TMEM117: variants seen among roughly 807,000 people sequenced by gnomAD.
TMEM117 encodes the protein transmembrane protein 117.
TMEM117 carries 27 observed loss-of-function variants against 52.4 expected under a neutral mutation model. The observed-to-expected ratio is 0.51, with a 90% confidence interval of 0.38 to 0.71. The LOEUF (loss-of-function observed/expected upper bound fraction) is 0.71, where lower values mean the gene tolerates loss of function less well. TMEM117 is among the 30% of genes least tolerant of loss of function. The pLI is 0.00. For synonymous variants in TMEM117, 215 were observed against 206.3 expected, an observed-to-expected ratio of 1.04 and a Z score of -0.36; for missense variants, 556 against 630.5, an observed-to-expected ratio of 0.88 and a Z score of 1.26.
intron 2 of TMEM117, among the ~76,000 whole-genome samples, chr12:43,845,460 C>CA (rs10677136): frequency 0.28 from 10,448 of 37,570 alleles, 2,776 homozygotes; most frequent in African/African-American, 0.61. Flanking sequence ...GACTCCATCT[C>CA]AAAAAAAAAA....
intron 2 of TMEM117, among the ~76,000 whole-genome samples, chr12:43,914,913 T>A (rs570102939): frequency 1.3e-5 from 2 of 152,100 alleles, no homozygotes; most frequent in Admixed American, 6.6e-5. Flanking sequence ...TTCAGCAAAT[T>A]TATATTAAAA....
chr12:44,306,605 A>G (rs1950906721), intron 6 of TMEM117, among the ~76,000 whole-genome samples: 2 of 152,158 alleles, frequency 1.3e-5, no homozygotes, highest in Admixed American at 1.3e-4. Flanking sequence ...TACCTCCTAT[A>G]ATGTGTAAGC....
intron 2 of TMEM117, among the ~76,000 whole-genome samples, chr12:43,909,533 C>T (rs1944455994): frequency 7.0e-6 from 1 of 143,850 alleles, no homozygotes; most frequent in Non-Finnish European, 1.5e-5. Flanking sequence ...CACAAAAAAC[C>T]CTTCAAAAAA....
intron 5 of TMEM117, among the ~76,000 whole-genome samples, chr12:44,245,730 CA>C (rs1950121300): frequency 6.6e-6 from 1 of 151,754 alleles, no homozygotes; most frequent in Non-Finnish European, 1.5e-5. Context: ...GAGCAACTAA[CA>C]AAATGCTGCT....
At chr12:43,846,167 T>C (rs1943204695) in intron 2 of TMEM117, among the ~76,000 whole-genome samples, 1 of 152,126 alleles carries the variant, frequency 6.6e-6, no homozygotes. Context: ...GAATAGTATA[T>C]TAGTAAGGGA....
At chr12:44,226,131 A>G (rs1444054422) in intron 5 of TMEM117, among the ~76,000 whole-genome samples, 2 of 152,166 alleles carry the variant, frequency 1.3e-5, no homozygotes. Flanking sequence ...TGAGGAAAAC[A>G]TTTTCCCCCT....
At chr12:44,302,434 T>C (rs1950852559) in intron 6 of TMEM117, among the ~76,000 whole-genome samples, 2 of 152,216 alleles carry the variant, frequency 1.3e-5, no homozygotes, top group South Asian at 4.1e-4. Flanking sequence ...AGTCTCTTGT[T>C]CCTCTACAGA....
chr12:43,891,562 T>A (rs1177372187), intron 2 of TMEM117, among the ~76,000 whole-genome samples: 1 of 151,534 alleles, frequency 6.6e-6, no homozygotes, highest in African/African-American at 2.4e-5. Flanking sequence ...GAGACAGGGT[T>A]TCACCATGTC....
chr12:44,342,266 A>G (rs1219811310), intron 6 of TMEM117, among the ~76,000 whole-genome samples: 1 of 152,148 alleles, frequency 6.6e-6, no homozygotes, highest in East Asian at 1.9e-4. Context: ...GAAGTTAGCC[A>G]GCTTTACTAC....
At chr12:44,123,240 TGG>T (rs202230291) in intron 3 of TMEM117, among the ~76,000 whole-genome samples, 9 of 143,004 alleles carry the variant, frequency 6.3e-5, no homozygotes, top group Admixed American at 1.3e-4. Flanking sequence ...TACTTTTTAA[TGG>T]GGTTTTTTTT....
chr12:44,131,528 T>G (rs1447433292), intron 3 of TMEM117, among the ~76,000 whole-genome samples: 2 of 152,238 alleles, frequency 1.3e-5, no homozygotes, highest in African/African-American at 4.8e-5. Context: ...TTTAAATCCT[T>G]TATATCCTTA....
At chr12:44,014,161 A>T (rs1162457606) in intron 3 of TMEM117, among the ~76,000 whole-genome samples, 1 of 152,206 alleles carries the variant, frequency 6.6e-6, no homozygotes, top group African/African-American at 2.4e-5. Flanking sequence ...ATAGAGCTGA[A>T]CTGGCTCTAG....
At chr12:44,293,779 T>C (rs528859127) in intron 5 of TMEM117, among the ~76,000 whole-genome samples, 3 of 152,182 alleles carry the variant, frequency 2.0e-5, no homozygotes, top group Non-Finnish European at 4.4e-5. Context: ...AGTGTATCTA[T>C]AGTTATTTTT....
rs548043735 is a variant in TMEM117 at position 44,279,367 on chromosome 12, T to C, written c.609-20213T>C. 2.6e-5 allele frequency among the ~76,000 whole-genome samples: 4 copies of C among 152,330 alleles called. No individual in the cohort carries two copies. The East Asian group carries it at 7.7e-4, about 29-fold the overall frequency. On this transcript the variant is annotated intron_variant, in intron 5 of 7. Transcript: ENST00000266534. ...CCAGTTGCAGCCAAATTGTTTTAAATAAATTATCCAAATAATGTTTTTTTC... is the reference window on the plus strand; with the variant it reads ...CCAGTTGCAGCCAAATTGTTTTAAACAAATTATCCAAATAATGTTTTTTTC...
intron 3 of TMEM117, among the ~76,000 whole-genome samples, chr12:44,074,932 A>ATGCATTAG (rs1947357897): frequency 6.6e-6 from 1 of 152,156 alleles, no homozygotes; most frequent in Non-Finnish European, 1.5e-5. Context: ...TTATACACTA[A>ATGCATTAG]TGCATTAGTG....
chr12:43,942,136 A>G (rs1173542463), intron 2 of TMEM117, among the ~76,000 whole-genome samples: 1 of 152,216 alleles, frequency 6.6e-6, no homozygotes, highest in East Asian at 1.9e-4. Flanking sequence ...GAACAAAGAG[A>G]GCCCATGAGT....
At chr12:44,045,530 TACTC>T (rs1946867743) in intron 3 of TMEM117, among the ~76,000 whole-genome samples, 3 of 152,150 alleles carry the variant, frequency 2.0e-5, no homozygotes, top group Admixed American at 2.0e-4. Flanking sequence ...CTGACCAAGG[TACTC>T]ACTTTACGGC....
intron 3 of TMEM117, among the ~76,000 whole-genome samples, chr12:44,046,235 C>T (rs568769290): frequency 2.8e-4 from 43 of 152,240 alleles, no homozygotes; most frequent in African/African-American, 9.6e-4. Flanking sequence ...GGAACACTGC[C>T]ACCAGGAGAC....
intron 5 of TMEM117, among the ~76,000 whole-genome samples, chr12:44,235,067 G>A (rs1361146898): frequency 6.6e-6 from 1 of 151,464 alleles, no homozygotes; most frequent in Non-Finnish European, 1.5e-5. Context: ...AATAGTAATG[G>A]AGTCCATTTT....
Sources: gnomAD v4.1 joint callset for allele counts (sites outside exome capture counted in the v4.1 genomes callset) on GRCh38, gnomAD v4.1.1 for gene constraint, MANE v1.5 for transcripts, NCBI Gene and HGNC (gene_info 2026-07-23, HGNC 2026-07-21) for gene names.